SIPA1L2: variants seen among roughly 807,000 people sequenced by gnomAD.
The protein encoded by SIPA1L2 is signal-induced proliferation-associated 1-like protein 2.
Under a neutral mutation model 163.9 loss-of-function variants are expected in SIPA1L2, and 56 were observed. That is an observed-to-expected ratio of 0.34 (90% CI 0.28 to 0.43). The LOEUF (loss-of-function observed/expected upper bound fraction) is 0.43. SIPA1L2 is among the 20% of genes least tolerant of loss of function. The pLI is 1.00. For synonymous variants in SIPA1L2, 877 were observed against 865.7 expected, an observed-to-expected ratio of 1.01 and a Z score of -0.23; for missense variants, 1,974 against 2,193.5, an observed-to-expected ratio of 0.90 and a Z score of 2.00.
At chr1:232,468,787 T>C (rs901714724) in intron 8 of SIPA1L2, among the ~76,000 whole-genome samples, 2 of 152,232 alleles carry the variant, frequency 1.3e-5, no homozygotes, top group African/African-American at 4.8e-5. Flanking sequence ...ACTGAGCATT[T>C]TGCAGAGAGT....
Position 232,580,159 on chromosome 1 carries a change from C to T in SIPA1L2, c.-318-5937G>A, listed in dbSNP as rs113017957. ...GCAAGCAATCCAAGAAGTCACAGTTCCTCCCCTTTTTAGACTAAATAGTAA... is the reference window on the plus strand; with the variant it reads ...GCAAGCAATCCAAGAAGTCACAGTTTCTCCCCTTTTTAGACTAAATAGTAA... On this transcript the variant is annotated intron_variant, in intron 1 of 22. Transcript: ENST00000674635. 9.9e-3 allele frequency among the ~76,000 whole-genome samples: 1,507 copies of T among 152,234 alleles called. 24 individuals carry two copies. Among genetic ancestry groups the T allele is most frequent in the Admixed American group, 0.015 (225 of 15,298 alleles).
rs143687610 is a variant in SIPA1L2, at chr1:232,629,959, G to C, written c.-409C>G. 0.084 allele frequency among the ~76,000 whole-genome samples: 12,614 copies of C among 150,688 alleles called. 1,186 individuals carry two copies. Among genetic ancestry groups the C allele is most frequent in the African/African-American group, 0.22 (8,905 of 41,266 alleles). Reference sequence around the variant, plus strand: ...GCCGCCTCGCCGCCCGCCGCTGCCCGGGGCTGCCCATCGGCCCGGACTCTC... The same window carrying C: ...GCCGCCTCGCCGCCCGCCGCTGCCCCGGGCTGCCCATCGGCCCGGACTCTC... On this transcript the variant is annotated 5_prime_UTR_variant, in exon 1 of 23. Transcript: ENST00000674635.
At chr1:232,552,767 C>A (rs1159756441) in intron 2 of SIPA1L2, among the ~76,000 whole-genome samples, 2 of 152,308 alleles carry the variant, frequency 1.3e-5, no homozygotes, top group Non-Finnish European at 2.9e-5. Flanking sequence ...AATAAAAAAG[C>A]AGATTCCTGT....
intron 9 of SIPA1L2, among the ~76,000 whole-genome samples, chr1:232,461,657 T>C (rs914577726): frequency 6.6e-6 from 1 of 152,148 alleles, no homozygotes; most frequent in African/African-American, 2.4e-5. Context: ...ATGAGACAAT[T>C]TATTCATCCC....
chr1:232,607,723 C>T (rs1355782119), intron 1 of SIPA1L2, among the ~76,000 whole-genome samples: 7 of 151,398 alleles, frequency 4.6e-5, no homozygotes, highest in Non-Finnish European at 8.8e-5. Flanking sequence ...TGGTGATGTT[C>T]CCATCTGCAC....
chr1:232,440,251 C>A (rs1315364509), intron 14 of SIPA1L2, among the ~76,000 whole-genome samples: 2 of 152,176 alleles, frequency 1.3e-5, no homozygotes, highest in African/African-American at 4.8e-5. Flanking sequence ...ACAGACACGG[C>A]CTCTCTTCAC....
intron 15 of SIPA1L2, among the ~76,000 whole-genome samples, chr1:232,438,859 C>T (rs1318252787): frequency 6.6e-6 from 1 of 151,476 alleles, no homozygotes; most frequent in Non-Finnish European, 1.5e-5. Flanking sequence ...CGATTAATAT[C>T]TCTATTGACT....
chr1:232,440,445 C>A (rs754172947), intron 14 of SIPA1L2, among the ~76,000 whole-genome samples: 1 of 152,172 alleles, frequency 6.6e-6, no homozygotes. Context: ...ACTACGCCCA[C>A]ACCATGTATC....
At chr1:232,485,672 G>C (rs1322228513) in intron 5 of SIPA1L2, among the ~76,000 whole-genome samples, 1 of 152,170 alleles carries the variant, frequency 6.6e-6, no homozygotes, top group Non-Finnish European at 1.5e-5. Flanking sequence ...ACAGATGTTC[G>C]TGACATCTGT....
At chr1:232,438,265 T>C (rs892706632) in intron 15 of SIPA1L2, among the ~76,000 whole-genome samples, 1 of 152,198 alleles carries the variant, frequency 6.6e-6, no homozygotes, top group African/African-American at 2.4e-5. Context: ...TTAGTTCATC[T>C]GACTCTGCCC....
intron 17 of SIPA1L2, 88 bp from the exon 18 acceptor site, chr1:232,425,896 T>A (rs565616499): frequency 8.6e-7 from 1 of 1,163,958 alleles, no homozygotes; most frequent in South Asian, 1.4e-5. Flanking sequence ...TGGTTTCACA[T>A]ACTATTGTGA....
At chr1:232,523,392 T>A (rs758186731) in intron 2 of SIPA1L2, among the ~76,000 whole-genome samples, 2 of 152,198 alleles carry the variant, frequency 1.3e-5, no homozygotes, top group Non-Finnish European at 2.9e-5. Flanking sequence ...TAATACATCT[T>A]TTCAGCAATG....
At chr1:232,618,800 A>G (rs1170864538) in intron 1 of SIPA1L2, among the ~76,000 whole-genome samples, 1 of 152,238 alleles carries the variant, frequency 6.6e-6, no homozygotes, top group African/African-American at 2.4e-5. Context: ...CTATGTGTAT[A>G]TTCTGTCAAC....
chr1:232,425,784 G>T lies in SIPA1L2; in HGVS notation c.4435C>A (p.Pro1479Thr). Reference protein sequence around the residue: ...RKFSFYGNLSPRRSLYRTLSD... With the variant: ...RKFSFYGNLSTRRSLYRTLSD... ...AGCGTGCGGTAAAGCGACCTCCTTG[G>T]AGACAGGTTCCCATAGAACGAAAAC... The change falls in exon 18 of 23, where the codon CCA becomes ACA. Residue 1479 changes from proline to threonine, a missense_variant. By Grantham distance (38) the Pro-to-Thr change is conservative. This residue lies in a region of SIPA1L2 where 1,079 missense variants were observed against 1,150.7 expected (regional missense o/e 0.94). Coordinates refer to ENST00000674635, the MANE Select transcript of SIPA1L2 (RefSeq NM_020808.5). 6.2e-7 allele frequency: 1 copy of T among 1,613,966 alleles called. No homozygotes were observed.
chr1:232,589,328 G>A (rs1038530409), intron 1 of SIPA1L2, among the ~76,000 whole-genome samples: 4 of 152,098 alleles, frequency 2.6e-5, no homozygotes, highest in Admixed American at 1.3e-4. Flanking sequence ...GTAACACTAC[G>A]GTAACACAGT....
chr1:232,518,386 T>C (rs6661243), intron 2 of SIPA1L2, among the ~76,000 whole-genome samples: 139,870 of 152,192 alleles, frequency 0.92, 65,009 homozygotes, highest in African/African-American at 0.99. Flanking sequence ...AATACCTCCT[T>C]CCCTGGCCAC....
At chr1:232,437,300 T>C (rs2102849883) in intron 15 of SIPA1L2, among the ~76,000 whole-genome samples, 1 of 152,342 alleles carries the variant, frequency 6.6e-6, no homozygotes, top group East Asian at 1.9e-4. Context: ...GTTAGCAGGT[T>C]GTGCAATCCC....
At chr1:232,437,772 G>T (rs1164531596) in intron 15 of SIPA1L2, among the ~76,000 whole-genome samples, 1 of 152,082 alleles carries the variant, frequency 6.6e-6, no homozygotes, top group Non-Finnish European at 1.5e-5. Flanking sequence ...CTTTGGAGAG[G>T]GCAGAAACCT....
chr1:232,598,164 G>A (rs549701080), intron 1 of SIPA1L2, among the ~76,000 whole-genome samples: 9 of 151,820 alleles, frequency 5.9e-5, no homozygotes, highest in African/African-American at 2.2e-4. Context: ...CACTTTGGGA[G>A]GCCAAGACAG....
Sources: gnomAD v4.1 joint callset for allele counts (sites outside exome capture counted in the v4.1 genomes callset) on GRCh38, gnomAD v4.1.1 for gene constraint, gnomAD v4.1.1 regional missense constraint, MANE v1.5 for transcripts, NCBI Gene and HGNC (gene_info 2026-07-23, HGNC 2026-07-21) for gene names.